Variants in CSGALNACT1 observed in about 807,000 individuals in gnomAD.
The protein encoded by CSGALNACT1 is chondroitin sulfate N-acetylgalactosaminyltransferase 1.
CSGALNACT1 carries 52 observed loss-of-function variants against 51.0 expected under a neutral mutation model. The ratio of observed to expected loss-of-function variants is 1.02; its 90% CI spans 0.82 to 1.29. The LOEUF is 1.29. Among genes scored for constraint, CSGALNACT1 ranks in the 50% most tolerant of loss-of-function variants. The pLI, the probability that CSGALNACT1 is intolerant of heterozygous loss-of-function variation, is 0.00. For synonymous variants in CSGALNACT1, 341 were observed against 254.4 expected (o/e 1.34, Z -3.24); for missense variants, 935 against 679.2 (o/e 1.38, Z -4.19).
At chr8:19,485,213 C>A (rs187123924) in intron 4 of CSGALNACT1, among the ~76,000 whole-genome samples, 4 of 152,262 alleles carry the variant, frequency 2.6e-5, no homozygotes. Context: ...CCAGCGTCTT[C>A]CCATCTCGGT....
At chr8:19,746,906 C>A (rs1327358225) in intron 1 of CSGALNACT1, among the ~76,000 whole-genome samples, 1 of 152,200 alleles carries the variant, frequency 6.6e-6, no homozygotes, top group African/African-American at 2.4e-5. Flanking sequence ...TGGTTTCACA[C>A]ACTGGCATGT....
At chr8:19,441,149 T>C (rs2061274573) in intron 5 of CSGALNACT1, among the ~76,000 whole-genome samples, 2 of 152,174 alleles carry the variant, frequency 1.3e-5, no homozygotes, top group Admixed American at 1.3e-4. Flanking sequence ...CTGCCCAAGG[T>C]AATTTGTAGA....
intron 1 of CSGALNACT1, among the ~76,000 whole-genome samples, chr8:19,679,869 A>G (rs1211988874): frequency 6.6e-6 from 1 of 152,070 alleles, no homozygotes; most frequent in East Asian, 1.9e-4. Flanking sequence ...TCAATTTCCT[A>G]CCCTATAAAA....
Position 19,428,994 on chromosome 8 carries a change from C to T in CSGALNACT1, c.954-8476G>A, listed in dbSNP as rs377698236. Among the ~76,000 whole-genome samples, 14 of 152,050 alleles carry T rather than the reference C, an allele frequency of 9.2e-5. No homozygotes were observed. The East Asian group carries it at 2.7e-3, about 29-fold the overall frequency. On this transcript the variant is annotated intron_variant, in intron 6 of 9. Transcript: ENST00000454498. ...CATTCGCGATGCTGTAAACCGTCACCTCTTTCTAGTTACAAAATGTTTTCA... is the reference window on the plus strand; with the variant it reads ...CATTCGCGATGCTGTAAACCGTCACTTCTTTCTAGTTACAAAATGTTTTCA...
At chr8:19,622,836 T>C (rs559447449) in intron 1 of CSGALNACT1, among the ~76,000 whole-genome samples, 12 of 151,648 alleles carry the variant, frequency 7.9e-5, no homozygotes, top group Non-Finnish European at 1.5e-4. Flanking sequence ...GTGAGAAAAA[T>C]AGAAATTAAG....
At chr8:19,590,468 T>A (rs1348314668) in intron 3 of CSGALNACT1, among the ~76,000 whole-genome samples, 1 of 152,150 alleles carries the variant, frequency 6.6e-6, no homozygotes, top group African/African-American at 2.4e-5. Context: ...TGGTGCCTAA[T>A]CTAATTCCAA....
intron 4 of CSGALNACT1, 58 bp downstream of exon 3, chr8:19,505,143 T>C: frequency 6.2e-7 from 1 of 1,601,944 alleles, no homozygotes; most frequent in African/African-American, 1.3e-5. Context: ...CCTGCCTGGG[T>C]GCCAGGAACC....
intron 1 of CSGALNACT1, among the ~76,000 whole-genome samples, chr8:19,702,491 G>T (rs1564447732): frequency 1.3e-5 from 2 of 152,030 alleles, no homozygotes; most frequent in Non-Finnish European, 1.5e-5. Context: ...CAGTTTAGGT[G>T]TCAGGGTCTA....
intron 3 of CSGALNACT1, among the ~76,000 whole-genome samples, chr8:19,582,450 G>A (rs1015104707): frequency 2.6e-5 from 4 of 152,176 alleles, no homozygotes; most frequent in Non-Finnish European, 4.4e-5. Flanking sequence ...TAAAGAGCCT[G>A]AGAGCACCTA....
chr8:19,461,753 C>T (rs1308122029), intron 4 of CSGALNACT1, among the ~76,000 whole-genome samples: 1 of 150,526 alleles, frequency 6.6e-6, no homozygotes, highest in African/African-American at 2.5e-5. Context: ...CGGCCACATT[C>T]ACCATGGAGG....
chr8:19,528,767 G>C (rs942200801), intron 3 of CSGALNACT1, among the ~76,000 whole-genome samples: 8 of 152,118 alleles, frequency 5.3e-5, no homozygotes, highest in African/African-American at 1.9e-4. Flanking sequence ...AATAAACCCA[G>C]CGTGTCCAAC....
intron 3 of CSGALNACT1, among the ~76,000 whole-genome samples, chr8:19,543,114 T>G (rs972650506): frequency 1.3e-5 from 2 of 152,120 alleles, no homozygotes; most frequent in African/African-American, 4.8e-5. Context: ...AATACTAGGC[T>G]CACGGAGTTT....
chr8:19,516,616 G>C (rs1305264825), intron 3 of CSGALNACT1, among the ~76,000 whole-genome samples: 1 of 152,186 alleles, frequency 6.6e-6, no homozygotes, highest in Non-Finnish European at 1.5e-5. Context: ...CCCCATCCCG[G>C]TGTGAGCCTT....
chr8:19,451,287 G>A (rs1197738805), intron 5 of CSGALNACT1, among the ~76,000 whole-genome samples: 1 of 152,024 alleles, frequency 6.6e-6, no homozygotes, highest in Non-Finnish European at 1.5e-5. Context: ...GAAACCTAGT[G>A]TTTTTGACAA....
intron 1 of CSGALNACT1, among the ~76,000 whole-genome samples, chr8:19,756,421 CTGTT>C (rs1770983380): frequency 6.6e-6 from 1 of 152,198 alleles, no homozygotes; most frequent in Non-Finnish European, 1.5e-5. Flanking sequence ...AGGCACAGTG[CTGTT>C]AACATCTCTT....
At chr8:19,639,159 A>C (rs574643292) in intron 1 of CSGALNACT1, among the ~76,000 whole-genome samples, 133 of 152,292 alleles carry the variant, frequency 8.7e-4, no homozygotes, top group African/African-American at 3.2e-3. Flanking sequence ...CTGTAATGAA[A>C]ATGTTCTACT....
intron 1 of CSGALNACT1, among the ~76,000 whole-genome samples, chr8:19,635,512 G>A (rs1296453459): frequency 6.6e-6 from 1 of 152,170 alleles, no homozygotes; most frequent in African/African-American, 2.4e-5. Context: ...GTGAACCTCG[G>A]CTGCTTCTGT....
At chr8:19,596,866 A>C (rs772109059) in intron 2 of CSGALNACT1, among the ~76,000 whole-genome samples, 1 of 152,190 alleles carries the variant, frequency 6.6e-6, no homozygotes, top group Non-Finnish European at 1.5e-5. Flanking sequence ...ACCATTTTTA[A>C]GTATACAGTC....
intron 3 of CSGALNACT1, among the ~76,000 whole-genome samples, chr8:19,560,408 A>G (rs2040434603): frequency 1.3e-5 from 2 of 152,218 alleles, no homozygotes; most frequent in African/African-American, 4.8e-5. Context: ...TCAAAATTAA[A>G]AACTTTCTGT....
Sources: gnomAD v4.1 joint callset for allele counts (sites outside exome capture counted in the v4.1 genomes callset) on GRCh38, gnomAD v4.1.1 for gene constraint, MANE v1.5 for transcripts, NCBI Gene and HGNC (gene_info 2026-07-23, HGNC 2026-07-21) for gene names.